The following COMMD1 variants were observed in gnomAD, a reference collection of about 807,000 sequenced individuals.
COMMD1 encodes copper metabolism domain containing 1, also known as COMM domain-containing protein 1.
COMMD1 carries 10 observed loss-of-function variants against 17.2 expected under a neutral mutation model. That is an observed-to-expected ratio of 0.58 (90% CI 0.36 to 0.99). The LOEUF (loss-of-function observed/expected upper bound fraction) is 0.99, where lower values mean the gene tolerates loss of function less well. Among genes scored for constraint, COMMD1 ranks in the 50% least tolerant of loss-of-function variants. The pLI is 0.01. For synonymous variants in COMMD1, 97 were observed against 91.6 expected, an observed-to-expected ratio of 1.06 and a Z score of -0.34; for missense variants, 270 against 231.8, an observed-to-expected ratio of 1.17 and a Z score of -1.07.
chr2:61,892,643 G>A (rs1011163739), intron 1 of COMMD1, among the ~76,000 whole-genome samples: 4 of 148,310 alleles, frequency 2.7e-5, no homozygotes, highest in Non-Finnish European at 5.9e-5. Flanking sequence ...GCGGTGAGCC[G>A]AGATCGTGCC....
chr2:61,955,717 C>T (rs1671180553), intron 1 of COMMD1, among the ~76,000 whole-genome samples: 1 of 152,052 alleles, frequency 6.6e-6, no homozygotes, highest in South Asian at 2.1e-4. Context: ...TGGAGTTTTG[C>T]TCTTGTCACC....
chr2:62,054,442 T>A (rs1670630670), intron 2 of COMMD1, among the ~76,000 whole-genome samples: 3 of 152,168 alleles, frequency 2.0e-5, no homozygotes, highest in African/African-American at 7.2e-5. Context: ...ATGGAATCAA[T>A]CTAAGTGTGC....
At chr2:61,989,373 A>G (rs1453007349) in intron 1 of COMMD1, among the ~76,000 whole-genome samples, 2 of 152,072 alleles carry the variant, frequency 1.3e-5, no homozygotes, top group East Asian at 3.8e-4. Flanking sequence ...GGCATATAGT[A>G]TCATGCAGAT....
At chr2:61,929,230 A>G (rs763190761) in intron 1 of COMMD1, among the ~76,000 whole-genome samples, 1 of 152,246 alleles carries the variant, frequency 6.6e-6, no homozygotes, top group Non-Finnish European at 1.5e-5. Context: ...TTATCAAAGC[A>G]GGAGATGTGT....
intron 2 of COMMD1, among the ~76,000 whole-genome samples, chr2:62,130,817 T>C (rs1415294171): frequency 6.6e-6 from 1 of 152,246 alleles, no homozygotes; most frequent in Non-Finnish European, 1.5e-5. Flanking sequence ...ACAATAATAC[T>C]CAAAGAGGTT....
chr2:62,123,501 G>C (rs10196950), intron 2 of COMMD1, among the ~76,000 whole-genome samples: 10,831 of 130,896 alleles, frequency 0.083, 1,605 homozygotes, highest in African/African-American at 0.29. Flanking sequence ...CAAGACATGT[G>C]AAAAAAAAAT....
intron 1 of COMMD1, among the ~76,000 whole-genome samples, chr2:61,925,826 T>A (rs760275547): frequency 6.6e-6 from 1 of 152,228 alleles, no homozygotes; most frequent in East Asian, 1.9e-4. Flanking sequence ...TGTGGTAAAG[T>A]GTTAGTTACA....
At chr2:62,124,946 A>G (rs1672848331) in intron 2 of COMMD1, among the ~76,000 whole-genome samples, 1 of 152,172 alleles carries the variant, frequency 6.6e-6, no homozygotes, top group Non-Finnish European at 1.5e-5. Flanking sequence ...TTGAGTTTCT[A>G]GTAAGCCATT....
chr2:61,909,951 A>C (rs980933110), intron 1 of COMMD1, among the ~76,000 whole-genome samples: 14 of 152,112 alleles, frequency 9.2e-5, no homozygotes, highest in African/African-American at 2.7e-4. Context: ...TTATGTAGTG[A>C]TTCCTGGCTT....
At chr2:62,093,204 A>G (rs914145660) in intron 2 of COMMD1, among the ~76,000 whole-genome samples, 1 of 152,214 alleles carries the variant, frequency 6.6e-6, no homozygotes, top group Non-Finnish European at 1.5e-5. Flanking sequence ...ATGTATTTGA[A>G]ATTTTGTGAT....
At chr2:62,015,990 C>T (rs1296903563) in intron 2 of COMMD1, among the ~76,000 whole-genome samples, 2 of 151,774 alleles carry the variant, frequency 1.3e-5, no homozygotes, top group Non-Finnish European at 2.9e-5. Flanking sequence ...CACCACCACA[C>T]CTGGCTAATT....
intron 2 of COMMD1, among the ~76,000 whole-genome samples, chr2:62,117,169 C>T (rs1238729684): frequency 6.6e-6 from 1 of 152,104 alleles, no homozygotes; most frequent in Non-Finnish European, 1.5e-5. Flanking sequence ...AACTGAGTCT[C>T]TTTTTAACAT....
At chr2:62,042,702 CG>C (rs1670267281) in intron 2 of COMMD1, among the ~76,000 whole-genome samples, 1 of 152,210 alleles carries the variant, frequency 6.6e-6, no homozygotes, top group South Asian at 2.1e-4. Flanking sequence ...GAGCGGATGC[CG>C]AGGCTGAGGA....
intron 2 of COMMD1, among the ~76,000 whole-genome samples, chr2:62,052,132 G>C (rs1289211670): frequency 6.6e-5 from 10 of 152,080 alleles, no homozygotes; most frequent in Non-Finnish European, 8.8e-5. Flanking sequence ...AAATAATAGA[G>C]AGCCAAATTA....
rs376910435 is a variant in COMMD1 at position 61,990,283 on chromosome 2, T to A, written c.181-10418T>A. Among the ~76,000 whole-genome samples the A allele has an allele frequency of 3.1e-4, 47 of 152,348 alleles. No homozygotes were observed. The South Asian group carries it at 9.3e-3, about 30-fold the overall frequency. On this transcript the variant is annotated intron_variant, in intron 1 of 2. Coordinates refer to ENST00000311832, the MANE Select transcript of COMMD1 (RefSeq NM_152516.4). ...ACTGTGATTTGCCTTGTAAGCCATATTGAAGACTTAGAATTTAAATCTAGA... is the reference window on the plus strand; with the variant it reads ...ACTGTGATTTGCCTTGTAAGCCATAATGAAGACTTAGAATTTAAATCTAGA...
intron 2 of COMMD1, among the ~76,000 whole-genome samples, chr2:62,062,295 C>G (rs1200124069): frequency 6.6e-6 from 1 of 151,462 alleles, no homozygotes; most frequent in Non-Finnish European, 1.5e-5. Context: ...GGCATGATCT[C>G]AGCTCACTGC....
intron 1 of COMMD1, among the ~76,000 whole-genome samples, chr2:61,962,319 G>A (rs1408076306): frequency 1.3e-5 from 2 of 152,152 alleles, no homozygotes; most frequent in Non-Finnish European, 2.9e-5. Flanking sequence ...TCCTAGGACA[G>A]AGGCTTTAAA....
At chr2:61,917,712 T>C (rs940526239) in intron 1 of COMMD1, among the ~76,000 whole-genome samples, 1 of 152,172 alleles carries the variant, frequency 6.6e-6, no homozygotes, top group African/African-American at 2.4e-5. Flanking sequence ...TTTGCATTTT[T>C]AGTAGAGACG....
chr2:62,090,336 T>C (rs889235874), intron 2 of COMMD1, among the ~76,000 whole-genome samples: 21 of 152,308 alleles, frequency 1.4e-4, no homozygotes, highest in African/African-American at 4.6e-4. Context: ...TTGATTAGAC[T>C]CACAATGTGA....
Sources: gnomAD v4.1 joint callset for allele counts (sites outside exome capture counted in the v4.1 genomes callset) on GRCh38, gnomAD v4.1.1 for gene constraint, MANE v1.5 for transcripts, NCBI Gene and HGNC (gene_info 2026-07-23, HGNC 2026-07-21) for gene names.